Variants in MYO18B observed in about 807,000 individuals in gnomAD.
MYO18B encodes unconventional myosin-XVIIIb.
In MYO18B, 204 loss-of-function variants were observed where a neutral mutation model predicts 273.0. That is an observed-to-expected ratio of 0.75 (90% confidence interval 0.67 to 0.84). The LOEUF is 0.84. Ranked by LOEUF, MYO18B falls within the 40% of genes least tolerant of loss-of-function variation. The pLI, the probability that MYO18B is intolerant of heterozygous loss-of-function variation, is 0.00. For synonymous variants in MYO18B, 1,330 were observed against 1,305.7 expected (o/e 1.02, Z -0.40); for missense variants, 3,212 against 3,287.6 (o/e 0.98, Z 0.56).
chr22:25,841,699 C>G (rs1267270848), intron 17 of MYO18B, among the ~76,000 whole-genome samples: 1 of 152,212 alleles, frequency 6.6e-6, no homozygotes, highest in African/African-American at 2.4e-5. Flanking sequence ...CATCAACATC[C>G]TTTCTTCTTT....
chr22:25,965,532 ATTC>A (rs1174325441), intron 39 of MYO18B, among the ~76,000 whole-genome samples: 1 of 152,084 alleles, frequency 6.6e-6, no homozygotes, highest in Non-Finnish European at 1.5e-5. Flanking sequence ...TGTGGTGTAA[ATTC>A]TCCCTCCAGG....
At chr22:25,921,149 G>A in intron 33 of MYO18B, 108 bp from the exon 34 acceptor site, 3 of 1,142,510 alleles carry the variant, frequency 2.6e-6, no homozygotes, top group Admixed American at 2.5e-5. Flanking sequence ...AGGTCACACG[G>A]TGTGAGTGGC....
At chr22:25,978,338 G>A (rs1182856892) in intron 39 of MYO18B, among the ~76,000 whole-genome samples, 1 of 152,170 alleles carries the variant, frequency 6.6e-6, no homozygotes, top group African/African-American at 2.4e-5. Context: ...GCAGAGTAGA[G>A]CATTCCAGAT....
chr22:26,010,255 C>T (rs1934792151), intron 42 of MYO18B, among the ~76,000 whole-genome samples: 2 of 152,268 alleles, frequency 1.3e-5, no homozygotes, highest in Middle Eastern at 3.4e-3. Context: ...CTTTCAACTC[C>T]ACCCTCCTTT....
At position 25,768,785 on chromosome 22, in the gene MYO18B, C is replaced by A; in HGVS notation, c.869C>A (p.Thr290Lys). 1.2e-6 allele frequency: 2 copies of A among 1,609,364 alleles called. No individual in the cohort carries two copies. Among genetic ancestry groups the A allele is most frequent in the Non-Finnish European group, 1.7e-6 (2 of 1,177,738 alleles). Residue 290 changes from threonine (T) to lysine (K), a missense_variant, in exon 4 of 44, where the codon ACA (threonine) becomes AAA (lysine). By Grantham distance (78) the Thr-to-Lys change is moderately conservative. Transcript: ENST00000335473. ...GKAEKEGAEP[T>K]NTVEKGNVSK... ...GCAGAGAAGGAGGGAGCAGAGCCCA[C>A]AAACACGGTGGAAAAGGGGAATGTC...
In MYO18B at chr22:25,947,820, A is replaced by G. The variant is rs754248005; in HGVS notation, c.5740A>G (p.Ile1914Val). ...NELMQKHKDL[I>V]AQSAADIGQI... ...GCTGATGCAGAAGCACAAGGACCTCATTGCTCAGGTAGTGAATGAGACCTT... is the reference window on the plus strand; with the variant it reads ...GCTGATGCAGAAGCACAAGGACCTCGTTGCTCAGGTAGTGAATGAGACCTT... Residue 1914 changes from isoleucine (I) to valine (V), a missense_variant, in exon 36 of 44, where the codon ATT becomes GTT. By Grantham distance (29) the Ile-to-Val change is conservative (BLOSUM62 3). Coordinates refer to ENST00000335473, the MANE Select transcript of MYO18B (RefSeq NM_032608.7). 6.2e-7 allele frequency: 1 copy of G among 1,613,028 alleles called. No homozygotes were observed. Among genetic ancestry groups the G allele is most frequent in the East Asian group, 2.2e-5 (1 of 44,876 alleles).
chr22:25,943,551 C>G (rs1408739408), intron 34 of MYO18B, among the ~76,000 whole-genome samples: 1 of 152,172 alleles, frequency 6.6e-6, no homozygotes, highest in Admixed American at 6.5e-5. Flanking sequence ...TCCTCCTCCT[C>G]TCCTTCTCTG....
At chr22:25,795,857 G>A (rs954594337) in intron 11 of MYO18B, among the ~76,000 whole-genome samples, 2 of 152,148 alleles carry the variant, frequency 1.3e-5, no homozygotes, top group East Asian at 3.8e-4. Flanking sequence ...TTGAGTGGAG[G>A]GGACAAGTAT....
At chr22:25,818,377 A>C (rs888412450) in intron 12 of MYO18B, among the ~76,000 whole-genome samples, 1 of 152,160 alleles carries the variant, frequency 6.6e-6, no homozygotes, top group African/African-American at 2.4e-5. Flanking sequence ...TTCCTTGAGC[A>C]TGGAGCCTGA....
intron 15 of MYO18B, among the ~76,000 whole-genome samples, chr22:25,829,520 C>CAAAAAA (rs774745778): frequency 1.3e-5 from 1 of 79,264 alleles, no homozygotes; most frequent in African/African-American, 3.7e-5. Context: ...CTTCTTTTTT[C>CAAAAAA]ATAAAAAAAA....
chr22:25,933,073 C>T (rs918088842), intron 34 of MYO18B, among the ~76,000 whole-genome samples: 12 of 152,114 alleles, frequency 7.9e-5, no homozygotes, highest in African/African-American at 2.9e-4. Flanking sequence ...CATAGTTCCT[C>T]AGTCTGTCTT....
At chr22:25,959,193 A>T (rs1221908292) in intron 39 of MYO18B, 2 of 151,260 alleles carry the variant, frequency 1.3e-5, no homozygotes, top group Non-Finnish European at 1.5e-5. Context: ...TTGGCACCAA[A>T]TCTCTCTCCC....
At chr22:25,823,736 G>A (rs1250774142) in intron 13 of MYO18B, 58 bp downstream of exon 13, 3 of 1,561,992 alleles carry the variant, frequency 1.9e-6, no homozygotes, top group African/African-American at 2.7e-5. Context: ...AGCTCCTGGG[G>A]ATACACCAGC....
chr22:25,838,654 GGTTTGTA>G (rs1304091802), intron 17 of MYO18B, among the ~76,000 whole-genome samples: 1 of 152,204 alleles, frequency 6.6e-6, no homozygotes, highest in African/African-American at 2.4e-5. Context: ...ATGCTGTACA[GGTTTGTA>G]GTTTGGAGCC....
intron 21 of MYO18B, among the ~76,000 whole-genome samples, chr22:25,858,102 A>G (rs186219214): frequency 1.4e-4 from 22 of 152,356 alleles, no homozygotes; most frequent in African/African-American, 4.8e-4. Context: ...TAAATAGTTA[A>G]AAAACAGACA....
intron 12 of MYO18B, among the ~76,000 whole-genome samples, chr22:25,813,038 A>G (rs2088830902): frequency 8.0e-6 from 1 of 124,562 alleles, no homozygotes; most frequent in Admixed American, 8.5e-5. Flanking sequence ...CTTCTTTCTC[A>G]TCTCCTTCTC....
chr22:25,957,631 C>T (rs1215289134), intron 39 of MYO18B, among the ~76,000 whole-genome samples: 2 of 152,180 alleles, frequency 1.3e-5, no homozygotes, highest in Non-Finnish European at 2.9e-5. Context: ...GGCCTGAAGT[C>T]TGAAATCAAG....
At position 25,887,385 on chromosome 22, in the gene MYO18B, A is replaced by G. The variant is rs529041108; in HGVS notation, c.4315-3371A>G. 2.0e-5 allele frequency among the ~76,000 whole-genome samples: 3 copies of G among 150,910 alleles called. No homozygotes were observed. In the South Asian group the frequency reaches 6.3e-4, roughly 31 times the overall value. On this transcript the variant is annotated intron_variant, in intron 25 of 43. Transcript: ENST00000335473. ...GCTGCAAATGAGGCCAGTGCACAGG[A>G]TATTTTTTTTTCTGTTCCACTCCAT... is the stretch of plus-strand genomic sequence containing the variant.
chr22:25,973,886 G>A (rs1200111436), intron 39 of MYO18B, among the ~76,000 whole-genome samples: 3 of 152,128 alleles, frequency 2.0e-5, no homozygotes, highest in Non-Finnish European at 4.4e-5. Context: ...TTGTCACAAG[G>A]AGGGGGACCT....
Sources: gnomAD v4.1 joint callset for allele counts (sites outside exome capture counted in the v4.1 genomes callset) on GRCh38, gnomAD v4.1.1 for gene constraint, MANE v1.5 for transcripts, NCBI Gene and HGNC (gene_info 2026-07-23, HGNC 2026-07-21) for gene names.